RAD23B: variants seen among roughly 807,000 people sequenced by gnomAD.
The protein encoded by RAD23B is RAD23 nucleotide excision repair protein B.
In RAD23B, 5 loss-of-function variants were observed where a neutral mutation model predicts 49.1. The observed-to-expected ratio is 0.10, with a 90% confidence interval of 0.05 to 0.21. RAD23B has a LOEUF of 0.21. Ranked by LOEUF, RAD23B falls within the 10% of genes least tolerant of loss-of-function variation. The pLI, the probability that RAD23B is intolerant of heterozygous loss-of-function variation, is 1.00. For missense variants in RAD23B, 356 were observed against 486.7 expected, an observed-to-expected ratio of 0.73 and a Z score of 2.53; for synonymous variants, 184 against 165.4, an observed-to-expected ratio of 1.11 and a Z score of -0.86.
chr9:107,302,705 G>C (rs1476218587), intron 3 of RAD23B, among the ~76,000 whole-genome samples: 1 of 151,118 alleles, frequency 6.6e-6, no homozygotes, highest in Non-Finnish European at 1.5e-5. Flanking sequence ...GCCCAGGCTG[G>C]AGCGCAGTGA....
chr9:107,292,941 T>C (rs532828423), intron 1 of RAD23B, among the ~76,000 whole-genome samples: 9 of 152,332 alleles, frequency 5.9e-5, no homozygotes, highest in African/African-American at 2.2e-4. Flanking sequence ...AAACACTTAC[T>C]ATTTCATAAT....
At chr9:107,313,475 T>G (rs1429765864) in intron 5 of RAD23B, among the ~76,000 whole-genome samples, 1 of 152,198 alleles carries the variant, frequency 6.6e-6, no homozygotes, top group African/African-American at 2.4e-5. Flanking sequence ...TCTGCCCGCC[T>G]CGGCCTCCAA....
intron 3 of RAD23B, among the ~76,000 whole-genome samples, chr9:107,305,785 T>C (rs1452630834): frequency 6.6e-6 from 1 of 152,034 alleles, no homozygotes; most frequent in Non-Finnish European, 1.5e-5. Flanking sequence ...TTGACATGTT[T>C]ATAAATAAAC....
In RAD23B at chr9:107,330,891, G is replaced by GCAGT. The variant is rs1827293387; in HGVS notation, c.*1236_*1239dup. ...GCATATTAAAAGAAAAATCTTAATA[G>GCAGT]CAGTGTTGGCTTTTATTTGGATTTT... On this transcript the variant is annotated 3_prime_UTR_variant, in exon 10 of 10. Transcript: ENST00000358015. This position sits in a 1 kb window ranked among gnomAD's most constrained non-coding sequence, Gnocchi z 4.4. 6.6e-6 allele frequency: 1 copy of GCAGT among 152,580 alleles called. No individual in the cohort carries two copies. The highest frequency in any genetic ancestry group is 1.5e-5 in the Non-Finnish European group (1 of 68,032). 9.5% of individuals were successfully genotyped at this position (152,580 alleles called of 1,614,324 possible).
At chr9:107,322,147 G>A in intron 7 of RAD23B, 29 bp downstream of exon 7, 1 of 1,542,588 alleles carries the variant, frequency 6.5e-7, no homozygotes, top group Non-Finnish European at 8.8e-7. Context: ...GATGGGGAGG[G>A]AATGGCCCTG....
chr9:107,309,776 A>G (rs1382495586), intron 4 of RAD23B, among the ~76,000 whole-genome samples: 4 of 151,956 alleles, frequency 2.6e-5, no homozygotes, highest in Non-Finnish European at 2.9e-5. Flanking sequence ...CTAAAAATAC[A>G]AAAAATTAGC....
intron 1 of RAD23B, chr9:107,284,876 G>A (rs1456076114): frequency 1.9e-5 from 24 of 1,251,142 alleles, no homozygotes; most frequent in Non-Finnish European, 2.6e-5. Context: ...TGTATAATAG[G>A]GATAATACCT....
intron 3 of RAD23B, among the ~76,000 whole-genome samples, chr9:107,302,646 TTTG>T (rs1826678344): frequency 1.4e-5 from 2 of 139,662 alleles, no homozygotes; most frequent in Non-Finnish European, 1.5e-5. Flanking sequence ...GGAAGTTTTT[TTTG>T]TTTTTGTTTT....
intron 3 of RAD23B, among the ~76,000 whole-genome samples, chr9:107,303,611 CAT>C (rs1469200550): frequency 6.6e-6 from 1 of 152,162 alleles, no homozygotes; most frequent in Non-Finnish European, 1.5e-5. Flanking sequence ...CTATCACCAT[CAT>C]ATAAGTGGAA....
chr9:107,332,165 T>C lies in RAD23B; in HGVS notation c.*2509T>C, dbSNP rs1003430966. The C allele has an allele frequency of 3.0e-5, 5 of 165,096 alleles. No individual in the cohort carries two copies. Among genetic ancestry groups the C allele is most frequent in the African/African-American group, 1.2e-4 (5 of 42,110 alleles). 10.2% of individuals were successfully genotyped at this position (165,096 alleles called of 1,614,324 possible). A position where few individuals can be genotyped will look rare whatever the true frequency, so the allele number is the denominator to read the frequency against. On this transcript the variant is annotated 3_prime_UTR_variant, in exon 10 of 10. Transcript: ENST00000358015. Reference sequence around the variant, plus strand: ...ACTGGATGGCTAGGATTCTAGAGAATTGATTATAAAATATTTTCAATACAT... The same window carrying C: ...ACTGGATGGCTAGGATTCTAGAGAACTGATTATAAAATATTTTCAATACAT...
At chr9:107,317,950 CTG>C (rs1221897969) in intron 5 of RAD23B, among the ~76,000 whole-genome samples, 3 of 152,110 alleles carry the variant, frequency 2.0e-5, no homozygotes, top group Non-Finnish European at 2.9e-5. Flanking sequence ...CAAAGGGAAA[CTG>C]TGAACTTGTT....
chr9:107,303,905 G>A (rs897211128), intron 3 of RAD23B, among the ~76,000 whole-genome samples: 4 of 152,160 alleles, frequency 2.6e-5, no homozygotes, highest in East Asian at 1.9e-4. Flanking sequence ...CAATAGGTGC[G>A]TGTGTTTGAG....
intron 4 of RAD23B, among the ~76,000 whole-genome samples, chr9:107,309,374 A>G (rs372501778): frequency 2.9e-4 from 44 of 152,210 alleles, no homozygotes; most frequent in Non-Finnish European, 4.4e-4. Context: ...AGGCTTTGTT[A>G]TTGAGTGAAA....
chr9:107,317,460 G>A (rs1427916134), intron 5 of RAD23B, among the ~76,000 whole-genome samples: 1 of 152,058 alleles, frequency 6.6e-6, no homozygotes, highest in Non-Finnish European at 1.5e-5. Flanking sequence ...GGAATGAGTG[G>A]AATGTGAGAA....
At chr9:107,309,721 G>A (rs7024037) in intron 4 of RAD23B, among the ~76,000 whole-genome samples, 8,253 of 152,152 alleles carry the variant, frequency 0.054, 679 homozygotes, top group African/African-American at 0.18. Flanking sequence ...CACAAGGTCA[G>A]GAGATTGAGA....
At chr9:107,301,908 A>G (rs1433457263) in intron 2 of RAD23B, 127 bp from the exon 3 acceptor site, 2 of 1,322,484 alleles carry the variant, frequency 1.5e-6, no homozygotes, top group African/African-American at 3.0e-5. Flanking sequence ...TAACTGATAG[A>G]ATTTATGTTG....
At chr9:107,292,726 A>G (rs1833408445) in intron 1 of RAD23B, among the ~76,000 whole-genome samples, 1 of 151,582 alleles carries the variant, frequency 6.6e-6, no homozygotes, top group Non-Finnish European at 1.5e-5. Flanking sequence ...ACACATTAAC[A>G]ATACTTGTTA....
At chr9:107,288,278 TG>T (rs1480601143) in intron 1 of RAD23B, among the ~76,000 whole-genome samples, 1 of 152,196 alleles carries the variant, frequency 6.6e-6, no homozygotes, top group African/African-American at 2.4e-5. Context: ...AAATATTTGC[TG>T]TGTACTTACT....
At chr9:107,308,053 T>C (rs903395524) in intron 4 of RAD23B, among the ~76,000 whole-genome samples, 1 of 152,170 alleles carries the variant, frequency 6.6e-6, no homozygotes, top group Admixed American at 6.5e-5. Context: ...CACTTAAATA[T>C]TACAAACTTA....
Sources: gnomAD v4.1 joint callset for allele counts (sites outside exome capture counted in the v4.1 genomes callset) on GRCh38, gnomAD v4.1.1 for gene constraint, Gnocchi (gnomAD v3.1) non-coding constraint, MANE v1.5 for transcripts, NCBI Gene and HGNC (gene_info 2026-07-23, HGNC 2026-07-21) for gene names.